The following TTC3 variants were observed in gnomAD, a reference collection of about 807,000 sequenced individuals.
TTC3 encodes tetratricopeptide repeat domain 3, also known as E3 ubiquitin-protein ligase TTC3.
A neutral mutation model predicts 249.6 loss-of-function variants in TTC3; 180 were observed. That is an observed-to-expected ratio of 0.72 (90% CI 0.64 to 0.82). The LOEUF (loss-of-function observed/expected upper bound fraction) is 0.82, where lower values mean the gene tolerates loss of function less well. TTC3 is among the 40% of genes least tolerant of loss of function. The probability of loss-of-function intolerance (pLI) is 0.00; values close to 1 mark genes in which losing one functional copy is unlikely to be tolerated. For synonymous variants in TTC3, 717 were observed against 805.0 expected (o/e 0.89, Z 1.85); for missense variants, 2,061 against 2,398.4 (o/e 0.86, Z 2.94).
chr21:37,107,122 T>C (rs2075159268), intron 10 of TTC3, among the ~76,000 whole-genome samples: 1 of 151,658 alleles, frequency 6.6e-6, no homozygotes, highest in African/African-American at 2.4e-5. Context: ...TATTGATATC[T>C]GGTAGTATAA....
chr21:37,200,323 G>C, exon 45 of TTC3: 15 of 1,614,024 alleles, frequency 9.3e-6, no homozygotes, highest in Non-Finnish European at 1.3e-5. Flanking sequence ...TATCACAAAG[G>C]GGTAAGAGCT....
chr21:37,131,966 T>A (rs1041067068), intron 16 of TTC3, among the ~76,000 whole-genome samples: 1 of 152,228 alleles, frequency 6.6e-6, no homozygotes, highest in Non-Finnish European at 1.5e-5. Context: ...ACATTGAACA[T>A]CTTTGCACTG....
intron 27 of TTC3, among the ~76,000 whole-genome samples, chr21:37,154,208 C>T (rs2079767842): frequency 6.6e-6 from 1 of 152,184 alleles, no homozygotes; most frequent in African/African-American, 2.4e-5. Flanking sequence ...TAAAGTACGC[C>T]ACGGGAAAAA....
intron 36 of TTC3, among the ~76,000 whole-genome samples, chr21:37,184,581 A>T (rs1279026801): frequency 6.7e-6 from 1 of 149,878 alleles, no homozygotes; most frequent in Non-Finnish European, 1.5e-5. Flanking sequence ...CAGCCTCCCG[A>T]GTAACTGGGA....
At chr21:37,176,036 G>T (rs771225188) in intron 35 of TTC3, among the ~76,000 whole-genome samples, 3 of 152,202 alleles carry the variant, frequency 2.0e-5, no homozygotes, top group Non-Finnish European at 4.4e-5. Flanking sequence ...TTCCCAAAGT[G>T]CTGGGAAGGC....
At chr21:37,122,434 ATATT>A (rs1240344232) in intron 12 of TTC3, among the ~76,000 whole-genome samples, 1 of 26,340 alleles carries the variant, frequency 3.8e-5, no homozygotes, top group South Asian at 7.0e-4. Flanking sequence ...ATATATATAT[ATATT>A]ATATATATAT....
At chr21:37,176,361 A>T (rs116250722) in intron 35 of TTC3, among the ~76,000 whole-genome samples, 1 of 152,222 alleles carries the variant, frequency 6.6e-6, no homozygotes, top group Non-Finnish European at 1.5e-5. Context: ...ATATTTATTA[A>T]TCAGTCACTC....
chr21:37,160,921 A>G (rs2080676257), intron 30 of TTC3, 63 bp downstream of exon 30: 3 of 1,477,492 alleles, frequency 2.0e-6, no homozygotes, highest in African/African-American at 1.4e-5. Context: ...TTGGACATAT[A>G]CATTAGAATT....
chr21:37,165,929 C>T (rs1350733886), exon 33 of TTC3: 13 of 1,614,066 alleles, frequency 8.1e-6, no homozygotes, highest in Non-Finnish European at 1.0e-5. Flanking sequence ...GAAACCCAAA[C>T]CTGTGTCTGC....
intron 11 of TTC3, among the ~76,000 whole-genome samples, chr21:37,118,121 C>CT (rs10710372): frequency 1.3e-5 from 2 of 150,858 alleles, no homozygotes; most frequent in Non-Finnish European, 3.0e-5. Flanking sequence ...GGTTATTTTT[C>CT]TTTTTTTTTT....
chr21:37,178,226 G>A (rs2082439767), intron 35 of TTC3, among the ~76,000 whole-genome samples: 1 of 152,144 alleles, frequency 6.6e-6, no homozygotes, highest in Non-Finnish European at 1.5e-5. Context: ...CTAGTTGATT[G>A]ACATTTGCGT....
chr21:37,141,762 C>T (rs868134308), intron 20 of TTC3, among the ~76,000 whole-genome samples: 2 of 152,038 alleles, frequency 1.3e-5, no homozygotes, highest in Non-Finnish European at 2.9e-5. Context: ...GAGTGAGACT[C>T]CATCTCAAAA....
At chr21:37,145,597 C>T (rs2078916393) in intron 21 of TTC3, among the ~76,000 whole-genome samples, 1 of 152,196 alleles carries the variant, frequency 6.6e-6, no homozygotes, top group Non-Finnish European at 1.5e-5. Flanking sequence ...ATAGAGTTAC[C>T]ATGTCTCAGT....
chr21:37,191,444 T>C lies in TTC3; in HGVS notation c.5115+20T>C, dbSNP rs757181533. Reference sequence around the variant, plus strand: ...GCAAAGGTAAGTTGTAAACATCTTTTAATCCCATCAAAATCTTTATGATAG... The same window carrying C: ...GCAAAGGTAAGTTGTAAACATCTTTCAATCCCATCAAAATCTTTATGATAG... On this transcript the variant is annotated intron_variant, in intron 40 of 45. Transcript: ENST00000355666. 6.8e-7 allele frequency: 1 copy of C among 1,480,814 alleles called. No individual in the cohort carries two copies. Among genetic ancestry groups the C allele is most frequent in the Non-Finnish European group, 9.2e-7 (1 of 1,091,846 alleles). 91.7% of individuals were successfully genotyped at this position (1,480,814 alleles called of 1,614,324 possible).
At chr21:37,079,858 CTG>C (rs1411706980) in intron 1 of TTC3, among the ~76,000 whole-genome samples, 1 of 152,018 alleles carries the variant, frequency 6.6e-6, no homozygotes, top group African/African-American at 2.4e-5. Context: ...TTTTTAATCT[CTG>C]TTTTATTTGT....
chr21:37,192,091 CACTTT>C lies in TTC3; in HGVS notation c.5116-15_5116-11del, dbSNP rs746799472. 8.0e-6 allele frequency: 12 copies of C among 1,492,284 alleles called. No individual in the cohort carries two copies. In the African/African-American group the frequency reaches 1.7e-4, roughly 21 times the overall value. The allele number at this position is 1,492,284 out of a possible 1,614,324, so 92.4% of individuals were successfully genotyped here. ...TTAATTGACAATTGTGGTTTTCCCA[CACTTT>C]ACTTTCTACTCACAGTCTCAGTTTG... On this transcript the variant is annotated splice_polypyrimidine_tract_variant and intron_variant, in intron 40 of 45. Coordinates refer to ENST00000355666, the Ensembl canonical transcript of TTC3.
Position 37,156,915 on chromosome 21 carries a change from A to G in TTC3, c.2992+9A>G. 1 of 1,612,214 alleles carries G rather than the reference A, an allele frequency of 6.2e-7. No homozygotes were observed. Among genetic ancestry groups the G allele is most frequent in the East Asian group, 2.2e-5 (1 of 44,842 alleles). On this transcript the variant is annotated intron_variant, in intron 28 of 45. Coordinates refer to ENST00000355666, the Ensembl canonical transcript of TTC3. ...ATTCTTTGATATAATGGGTATGTGGACTGAGTTTAGACTTATATTACATTT... is the reference window on the plus strand; with the variant it reads ...ATTCTTTGATATAATGGGTATGTGGGCTGAGTTTAGACTTATATTACATTT...
intron 34 of TTC3, among the ~76,000 whole-genome samples, chr21:37,170,451 G>A (rs959921771): frequency 2.0e-5 from 3 of 152,168 alleles, no homozygotes; most frequent in African/African-American, 4.8e-5. Context: ...TTCTGGGAAG[G>A]CAGTTAGGAA....
chr21:37,124,828 A>G, intron 14 of TTC3, 86 bp downstream of exon 14: 1 of 1,492,014 alleles, frequency 6.7e-7, no homozygotes, highest in Non-Finnish European at 9.0e-7. Flanking sequence ...ATAGAAACCA[A>G]ATTTTTGGCG....
Sources: allele counts gnomAD v4.1 joint callset (sites outside exome capture counted in the v4.1 genomes callset), GRCh38; gene constraint gnomAD v4.1.1; transcripts MANE v1.5; gene names NCBI Gene and HGNC (gene_info 2026-07-23, HGNC 2026-07-21).